ELP4: variants seen among roughly 807,000 people sequenced by gnomAD.
The protein encoded by ELP4 is elongator complex protein 4.
Under a neutral mutation model 48.9 loss-of-function variants are expected in ELP4, and 51 were observed. The observed-to-expected ratio is 1.04, with a 90% confidence interval of 0.83 to 1.32. ELP4 has a LOEUF of 1.32. Among genes scored for constraint, ELP4 ranks in the 40% most tolerant of loss-of-function variants. The probability of loss-of-function intolerance (pLI) is 0.00; values close to 1 mark genes in which losing one functional copy is unlikely to be tolerated. For synonymous variants in ELP4, 210 were observed against 189.2 expected (o/e 1.11, Z -0.90); for missense variants, 519 against 514.6 (o/e 1.01, Z -0.08).
rs188822383 is a variant in ELP4 at position 31,545,789 on chromosome 11, G to A, written c.381+6006G>A. 3.4e-3 allele frequency among the ~76,000 whole-genome samples: 522 copies of A among 152,220 alleles called. 3 individuals are homozygous for A. The highest frequency in any genetic ancestry group is 0.031 in the Middle Eastern group (9 of 294). Reference sequence around the variant, plus strand: ...CATCAGAGTAACAGCGGATCTCTCTGCAGAAACTCTACAAGCCAGAAGAGA... The same window carrying A: ...CATCAGAGTAACAGCGGATCTCTCTACAGAAACTCTACAAGCCAGAAGAGA... On this transcript the variant is annotated intron_variant, in intron 3 of 9. Transcript: ENST00000640961.
chr11:31,650,455 A>C, intron 9 of ELP4: 1 of 352,072 alleles, frequency 2.8e-6, no homozygotes. Context: ...AATATCTATT[A>C]AAAGTAAGCT....
intron 9 of ELP4, among the ~76,000 whole-genome samples, chr11:31,671,752 C>T (rs866939262): frequency 1.3e-5 from 2 of 152,110 alleles, no homozygotes; most frequent in Admixed American, 6.5e-5. Flanking sequence ...ATTGAGCTCC[C>T]TGGTGAGTAA....
intron 5 of ELP4, among the ~76,000 whole-genome samples, chr11:31,609,746 T>G (rs1216855151): frequency 6.6e-6 from 1 of 152,012 alleles, no homozygotes; most frequent in East Asian, 1.9e-4. Flanking sequence ...AAATATAAGA[T>G]TAAAGATTAC....
chr11:31,552,324 C>T (rs1211766687), intron 3 of ELP4, among the ~76,000 whole-genome samples: 1 of 152,286 alleles, frequency 6.6e-6, no homozygotes, highest in East Asian at 1.9e-4. Flanking sequence ...TATGTATATG[C>T]TGATGACTTT....
At chr11:31,674,884 C>G (rs1945887084) in intron 9 of ELP4, among the ~76,000 whole-genome samples, 1 of 152,070 alleles carries the variant, frequency 6.6e-6, no homozygotes, top group Admixed American at 6.5e-5. Context: ...TGAATGTTAC[C>G]TCTTTATATA....
chr11:31,636,586 G>A (rs546105171), intron 7 of ELP4, among the ~76,000 whole-genome samples: 1 of 152,050 alleles, frequency 6.6e-6, no homozygotes, highest in East Asian at 1.9e-4. Context: ...ATTGCAAAGA[G>A]AGGGAAAAGT....
intron 9 of ELP4, among the ~76,000 whole-genome samples, chr11:31,781,486 GC>G (rs1948375528): frequency 7.8e-6 from 1 of 127,990 alleles, no homozygotes; most frequent in Non-Finnish European, 1.6e-5. Context: ...GGATTCCTGA[GC>G]CTTTTTTTTT....
chr11:31,724,345 T>C (rs1475540212), intron 9 of ELP4, among the ~76,000 whole-genome samples: 2 of 152,258 alleles, frequency 1.3e-5, no homozygotes, highest in Non-Finnish European at 2.9e-5. Context: ...AAAACTAACA[T>C]TGACTGCAAC....
intron 9 of ELP4, among the ~76,000 whole-genome samples, chr11:31,676,762 G>A (rs1275305791): frequency 6.6e-6 from 1 of 152,168 alleles, no homozygotes; most frequent in Admixed American, 6.5e-5. Flanking sequence ...GAGAGGTTAA[G>A]TCATTGGCCC....
chr11:31,538,808 G>A (rs1247344674), intron 2 of ELP4, among the ~76,000 whole-genome samples: 1 of 151,964 alleles, frequency 6.6e-6, no homozygotes, highest in East Asian at 1.9e-4. Flanking sequence ...GTTCTATTTT[G>A]GTATTGGGGT....
At chr11:31,558,139 ACT>A (rs1956958639) in intron 3 of ELP4, among the ~76,000 whole-genome samples, 2 of 147,984 alleles carry the variant, frequency 1.4e-5, no homozygotes, top group South Asian at 4.2e-4. Context: ...CCAGGGTTTC[ACT>A]CTTTTTTTTT....
At position 31,598,503 on chromosome 11, in the gene ELP4, C is replaced by CTTTTTTT. The variant is rs10702222; in HGVS notation, c.513+3618_513+3624dup. On this transcript the variant is annotated intron_variant, in intron 4 of 9. Coordinates refer to ENST00000640961, the MANE Select transcript of ELP4 (RefSeq NM_019040.5). ...TTTCCTTTTTTTTTCTTTTCTTCTT[C>CTTTTTTT]TTTTTTTTTTTTTTTTTTTTTTGAG... Among the ~76,000 whole-genome samples the CTTTTTTT allele has an allele frequency of 6.0e-3, 465 of 77,588 alleles. 1 individual carries two copies. Among genetic ancestry groups the CTTTTTTT allele is most frequent in the Non-Finnish European group, 7.1e-3 (315 of 44,528 alleles). The allele number at this position is 77,588 out of a possible 152,430, so 50.9% of individuals were successfully genotyped here.
At chr11:31,608,779 A>C (rs1486637379) in intron 5 of ELP4, among the ~76,000 whole-genome samples, 1 of 152,116 alleles carries the variant, frequency 6.6e-6, no homozygotes, top group Admixed American at 6.5e-5. Context: ...CAAGTAAGGG[A>C]TTCAGTAGCG....
intron 7 of ELP4, 46 bp downstream of exon 7, chr11:31,632,451 G>C: frequency 5.5e-6 from 8 of 1,446,480 alleles, no homozygotes; most frequent in Non-Finnish European, 7.5e-6. Flanking sequence ...TAGTAATATA[G>C]TATGACATTG....
intron 6 of ELP4, among the ~76,000 whole-genome samples, chr11:31,631,703 T>A (rs1332576219): frequency 1.3e-5 from 2 of 152,058 alleles, no homozygotes; most frequent in Non-Finnish European, 2.9e-5. Flanking sequence ...TAAGAGCAGC[T>A]TCAAGAAGAA....
intron 9 of ELP4, among the ~76,000 whole-genome samples, chr11:31,670,158 A>T (rs923151181): frequency 6.6e-6 from 1 of 152,096 alleles, no homozygotes; most frequent in Non-Finnish European, 1.5e-5. Flanking sequence ...TTTTTTAGCT[A>T]ATCTATATTA....
intron 5 of ELP4, among the ~76,000 whole-genome samples, chr11:31,622,131 G>A (rs1209203992): frequency 6.6e-6 from 1 of 151,692 alleles, no homozygotes; most frequent in African/African-American, 2.4e-5. Flanking sequence ...TTAAAATCAG[G>A]TAGTCTTATT....
intron 9 of ELP4, among the ~76,000 whole-genome samples, chr11:31,701,503 T>C (rs1946520993): frequency 6.6e-6 from 1 of 151,880 alleles, no homozygotes; most frequent in South Asian, 2.1e-4. Context: ...CTCACTCAAT[T>C]TATCTTGGGG....
chr11:31,693,756 G>GA lies in ELP4; in HGVS notation c.1143+43537dup, dbSNP rs1418603684. Among the ~76,000 whole-genome samples the GA allele has an allele frequency of 4.6e-5, 7 of 152,304 alleles. 1 individual carries two copies. The South Asian group carries it at 1.5e-3, about 32-fold the overall frequency. ...TGCCACACTGTCTTCCACAATGGTT[G>GA]AACTAGTTTACAGTCCCACCAACAG... On this transcript the variant is annotated intron_variant, in intron 9 of 9. Coordinates refer to ENST00000640961, the MANE Select transcript of ELP4 (RefSeq NM_019040.5).
Sources: gnomAD v4.1 joint callset for allele counts (sites outside exome capture counted in the v4.1 genomes callset) on GRCh38, gnomAD v4.1.1 for gene constraint, MANE v1.5 for transcripts, NCBI Gene and HGNC (gene_info 2026-07-23, HGNC 2026-07-21) for gene names.